The following RTN1 variants were observed in gnomAD, a reference collection of about 807,000 sequenced individuals.
RTN1 encodes reticulon-1.
A neutral mutation model predicts 65.5 loss-of-function variants in RTN1; 25 were observed. That is an observed-to-expected ratio of 0.38 (90% CI 0.28 to 0.53). RTN1 has a LOEUF of 0.53. RTN1 is among the 20% of genes least tolerant of loss of function. The probability of loss-of-function intolerance (pLI) is 0.79; values close to 1 mark genes in which losing one functional copy is unlikely to be tolerated. For missense variants in RTN1, 983 were observed against 1,025.4 expected, an observed-to-expected ratio of 0.96 and a Z score of 0.57; for synonymous variants, 471 against 447.6, an observed-to-expected ratio of 1.05 and a Z score of -0.66.
At chr14:59,623,169 AAT>A (rs751652846) in intron 3 of RTN1, among the ~76,000 whole-genome samples, 3 of 152,228 alleles carry the variant, frequency 2.0e-5, no homozygotes, top group African/African-American at 4.8e-5. Context: ...ACTATTCCCG[AAT>A]GACTCCTCCT....
intron 3 of RTN1, among the ~76,000 whole-genome samples, chr14:59,720,662 C>T (rs950704857): frequency 1.5e-4 from 23 of 150,068 alleles, no homozygotes; most frequent in Non-Finnish European, 2.7e-4. Context: ...GTGGAGGTTT[C>T]GGTGAGCTGA....
intron 1 of RTN1, among the ~76,000 whole-genome samples, chr14:59,780,359 A>G (rs1886131044): frequency 6.6e-6 from 1 of 152,240 alleles, no homozygotes; most frequent in African/African-American, 2.4e-5. Flanking sequence ...TCAAATTAGT[A>G]AATGAGGGTA....
chr14:59,657,314 C>A (rs535544177), intron 3 of RTN1, among the ~76,000 whole-genome samples: 2 of 152,306 alleles, frequency 1.3e-5, no homozygotes, highest in East Asian at 3.9e-4. Context: ...GAAGCCGAGG[C>A]AGGAGAATCA....
intron 1 of RTN1, among the ~76,000 whole-genome samples, chr14:59,812,358 G>A (rs947831990): frequency 2.0e-5 from 3 of 152,136 alleles, no homozygotes; most frequent in Admixed American, 2.0e-4. Flanking sequence ...TTTTCCATGT[G>A]TTAAATGGTT....
chr14:59,605,570 C>T, intron 4 of RTN1, 64 bp from the exon 5 acceptor site: 1 of 1,560,964 alleles, frequency 6.4e-7, no homozygotes, highest in Non-Finnish European at 8.8e-7. Flanking sequence ...GCTGCCGAAC[C>T]CCAGTAACAG....
At chr14:59,859,963 G>A (rs757967664) in intron 1 of RTN1, among the ~76,000 whole-genome samples, 1 of 152,168 alleles carries the variant, frequency 6.6e-6, no homozygotes, top group South Asian at 2.1e-4. Flanking sequence ...GTTTCATAAG[G>A]GAAACAGAGC....
At chr14:59,714,338 G>A (rs905539558) in intron 3 of RTN1, among the ~76,000 whole-genome samples, 4 of 151,974 alleles carry the variant, frequency 2.6e-5, no homozygotes, top group African/African-American at 7.3e-5. Context: ...TACATCATGG[G>A]TTATCCCATT....
At chr14:59,682,511 T>C (rs1373991818) in intron 3 of RTN1, among the ~76,000 whole-genome samples, 1 of 152,168 alleles carries the variant, frequency 6.6e-6, no homozygotes, top group Non-Finnish European at 1.5e-5. Flanking sequence ...GTCATCTTTG[T>C]ATCTCCCAGC....
chr14:59,867,269 T>G (rs898774451), intron 1 of RTN1, among the ~76,000 whole-genome samples: 1 of 152,224 alleles, frequency 6.6e-6, no homozygotes, highest in Non-Finnish European at 1.5e-5. Flanking sequence ...AAATAACTGA[T>G]CATGAAAAAA....
At chr14:59,759,643 A>C in intron 1 of RTN1, among the ~76,000 whole-genome samples, 1 of 152,110 alleles carries the variant, frequency 6.6e-6, no homozygotes, top group East Asian at 1.9e-4. Context: ...ACAGCACATA[A>C]GGGGAAGTTC....
In RTN1 at chr14:59,596,695, T is replaced by A; in HGVS notation, c.*50A>T. ...CAGTAATGAGTAAGAAGAGAGCTGT[T>A]ACCACTCCAGACATTCCTGTTTGTG... On this transcript the variant is annotated 3_prime_UTR_variant, in exon 9 of 9. Coordinates refer to ENST00000267484, the MANE Select transcript of RTN1 (RefSeq NM_021136.3). The A allele has an allele frequency of 7.4e-7, 1 of 1,356,890 alleles. No individual in the cohort carries two copies. Among genetic ancestry groups the A allele is most frequent in the Non-Finnish European group, 1.1e-6 (1 of 945,518 alleles). 84.1% of individuals were successfully genotyped at this position (1,356,890 alleles called of 1,614,324 possible). A position where few individuals can be genotyped will look rare whatever the true frequency, so the allele number is the denominator to read the frequency against.
intron 3 of RTN1, among the ~76,000 whole-genome samples, chr14:59,610,903 T>A (rs1468108077): frequency 1.3e-5 from 2 of 151,684 alleles, no homozygotes; most frequent in African/African-American, 2.4e-5. Flanking sequence ...AACAGGCTCA[T>A]CTGATCTTGT....
intron 1 of RTN1, among the ~76,000 whole-genome samples, chr14:59,808,180 C>G (rs994121883): frequency 5.3e-5 from 8 of 152,234 alleles, no homozygotes; most frequent in Non-Finnish European, 1.2e-4. Context: ...TGCCCCAAAC[C>G]CCATAACTGT....
intron 3 of RTN1, among the ~76,000 whole-genome samples, chr14:59,677,461 A>C (rs1883650707): frequency 6.6e-6 from 1 of 152,192 alleles, no homozygotes; most frequent in Non-Finnish European, 1.5e-5. Context: ...AGAAAGATTC[A>C]CTTTTTTAAG....
chr14:59,709,324 T>A (rs980749620), intron 3 of RTN1, among the ~76,000 whole-genome samples: 6 of 152,246 alleles, frequency 3.9e-5, no homozygotes, highest in African/African-American at 1.4e-4. Flanking sequence ...CATCTTTGCA[T>A]AATAATCTAT....
At chr14:59,747,974 C>T (rs375937498) in intron 1 of RTN1, among the ~76,000 whole-genome samples, 2 of 152,160 alleles carry the variant, frequency 1.3e-5, no homozygotes, top group African/African-American at 4.8e-5. Flanking sequence ...ATGTGTCAGG[C>T]ATTGTTCTAA....
chr14:59,854,414 G>T (rs545743626), intron 1 of RTN1, among the ~76,000 whole-genome samples: 1 of 151,788 alleles, frequency 6.6e-6, no homozygotes, highest in East Asian at 1.9e-4. Context: ...AAGCCAAGGC[G>T]GGCAGATCAT....
chr14:59,733,902 G>A (rs1884953097), intron 2 of RTN1, among the ~76,000 whole-genome samples: 1 of 152,228 alleles, frequency 6.6e-6, no homozygotes, highest in Non-Finnish European at 1.5e-5. Flanking sequence ...GCTTCTTTAA[G>A]TGTGTCCTTG....
intron 8 of RTN1, among the ~76,000 whole-genome samples, chr14:59,599,998 C>G (rs1298410563): frequency 6.6e-6 from 1 of 152,182 alleles, no homozygotes; most frequent in Non-Finnish European, 1.5e-5. Context: ...TATGGTCTCA[C>G]TTACTCGAAG....
Sources: gnomAD v4.1 joint callset for allele counts (sites outside exome capture counted in the v4.1 genomes callset) on GRCh38, gnomAD v4.1.1 for gene constraint, MANE v1.5 for transcripts, NCBI Gene and HGNC (gene_info 2026-07-23, HGNC 2026-07-21) for gene names.